The following DAXX variants were observed in gnomAD, a reference collection of about 807,000 sequenced individuals.
DAXX encodes death domain-associated protein 6.
A neutral mutation model predicts 61.9 loss-of-function variants in DAXX; 24 were observed. The observed-to-expected ratio is 0.39, with a 90% CI of 0.28 to 0.55. DAXX has a LOEUF of 0.55. Among genes scored for constraint, DAXX ranks in the 20% least tolerant of loss-of-function variants. The pLI is 0.69. For missense variants in DAXX, 819 were observed against 935.3 expected (o/e 0.88, Z 1.62); for synonymous variants, 357 against 369.5 (o/e 0.97, Z 0.39).
chr6:33,321,283 G>A lies in DAXX; in HGVS notation c.492C>T (p.Leu164=), dbSNP rs1770575666. ...EPSGNNPPTH[L]SLDPTNAENT... is the part of the protein sequence containing the mutation. The stretch of plus-strand genomic sequence containing the variant: ...TTTCAGCATTTGTGGGGTCCAAGGA[G>A]AGGTGTGTGGGAGGGTTATTCCCAG... The change falls in exon 3 of 8, where the codon CTC becomes CTT. Residue 164 remains leucine, a synonymous_variant. Coordinates refer to ENST00000374542, the MANE Select transcript of DAXX (RefSeq NM_001141969.2). This position sits in a 1 kb window ranked among gnomAD's most constrained non-coding sequence, Gnocchi z 7.2. 6.2e-7 allele frequency: 1 copy of A among 1,613,096 alleles called. No homozygotes were observed. Among genetic ancestry groups the A allele is most frequent in the African/African-American group, 1.3e-5 (1 of 74,928 alleles).
In DAXX at chr6:33,320,108, C is replaced by G. The variant is rs1770370260; in HGVS notation, c.1368G>C (p.Glu456Asp). ...EEEEEEEEEE[E>D]EATDSEEEED... ...CCTCCTCTTCAGAATCTGTGGCCTCCTCCTCTTCTTCTTCCTCCTCCTCCT... is the reference window on the plus strand; with the variant it reads ...CCTCCTCTTCAGAATCTGTGGCCTCGTCCTCTTCTTCTTCCTCCTCCTCCT... Residue 456 changes from glutamate to aspartate, a missense_variant, in exon 5 of 8, where the codon GAG (glutamate) becomes GAC (aspartate). Transcript: ENST00000374542. This position sits in a 1 kb window ranked among gnomAD's most constrained non-coding sequence, Gnocchi z 7.1. The G allele has an allele frequency of 6.2e-7, 1 of 1,614,074 alleles. No homozygotes were observed. Among genetic ancestry groups the G allele is most frequent in the Non-Finnish European group, 8.5e-7 (1 of 1,179,968 alleles).
Position 33,319,016 on chromosome 6 carries a change from G to A in DAXX, c.2144C>T (p.Pro715Leu), listed in dbSNP as rs1770174070. ...TCTTACCTTGCAAGTACCAGGCCGAGGAGGCTGTGAATGGGGGGTTTGGGA... is the reference window on the plus strand; with the variant it reads ...TCTTACCTTGCAAGTACCAGGCCGAAGAGGCTGTGAATGGGGGGTTTGGGA... Reference protein sequence around the residue: ...RLSQTPHSQPPRPGTCKTSVA... With the variant: ...RLSQTPHSQPLRPGTCKTSVA... The change falls in exon 7 of 8, where the codon CCT (proline) becomes CTT (leucine). Residue 715 changes from proline (P) to leucine (L), a missense_variant. Coordinates refer to ENST00000374542, the MANE Select transcript of DAXX (RefSeq NM_001141969.2). 6.2e-7 allele frequency: 1 copy of A among 1,613,420 alleles called. No individual in the cohort carries two copies. Among genetic ancestry groups the A allele is most frequent in the African/African-American group, 1.3e-5 (1 of 75,038 alleles).
At chr6:33,322,156 G>T (rs565739493) in intron 1 of DAXX, 179 bp from the exon 2 acceptor site, 26 of 459,468 alleles carry the variant, frequency 5.7e-5, no homozygotes, top group Middle Eastern at 5.5e-4. Flanking sequence ...AAGTGGTGTG[G>T]GGGGGGGGCA....
At position 33,318,578 on chromosome 6, in the gene DAXX, ATTGT is replaced by A. The variant is rs919079220; in HGVS notation, c.*161_*164del. The A allele has an allele frequency of 7.0e-5, 31 of 440,898 alleles. No individual in the cohort carries two copies. The highest frequency in any genetic ancestry group is 1.0e-4 in the Non-Finnish European group (25 of 248,984). The allele number at this position is 440,898 out of a possible 1,614,324, so 27.3% of individuals were successfully genotyped here. On this transcript the variant is annotated 3_prime_UTR_variant, in exon 8 of 8. Transcript: ENST00000374542. Reference sequence around the variant, plus strand: ...AGTGATACAGTAAGAAAAGAACTTTATTGTTTATTAATGTTTCTGTGTAAAACTT... The same window carrying A: ...AGTGATACAGTAAGAAAAGAACTTTATTATTAATGTTTCTGTGTAAAACTT...
At chr6:33,319,939 A>C in intron 5 of DAXX, 72 bp downstream of exon 5, 1 of 1,604,228 alleles carries the variant, frequency 6.2e-7, no homozygotes. Context: ...GAGGAAGGGA[A>C]AGGTTTCAAA....
chr6:33,320,763 A>T lies in DAXX; in HGVS notation c.1012T>A (p.Cys338Ser). The part of the protein sequence containing the change: ...RHLDLIYNFG[C>S]HLTDDYRPGV... ...GGCCTATAGTCATCTGTGAGGTGGC[A>T]GCCAAAGTTGTAGATGAGATCGAGG... is the stretch of plus-strand genomic sequence containing the variant. The change falls in exon 3 of 8, where the codon TGC becomes AGC. Residue 338 changes from cysteine (C) to serine (S), a missense_variant. Cys to Ser is a moderately radical substitution (Grantham distance 112). Transcript: ENST00000374542. The surrounding 1 kb of genome is among the most constrained non-coding windows in gnomAD (Gnocchi z 7.1). The T allele has an allele frequency of 6.2e-7, 1 of 1,614,162 alleles. No homozygotes were observed.
chr6:33,319,068 G>A lies in DAXX; in HGVS notation c.2092C>T (p.Leu698Phe), dbSNP rs371458373. Residue 698 changes from leucine to phenylalanine, a missense_variant, in exon 7 of 8, where the codon CTC (leucine) becomes TTC (phenylalanine). Coordinates refer to ENST00000374542, the MANE Select transcript of DAXX (RefSeq NM_001141969.2). ...SPSHGLVTSS[L>F]CIPSPARLSQ... ...AGCCGGGCTGGAGAAGGGATGCAGAGGGAGCTGGTCACCAGGCCATGGCTG... is the reference window on the plus strand; with the variant it reads ...AGCCGGGCTGGAGAAGGGATGCAGAAGGAGCTGGTCACCAGGCCATGGCTG... 15 of 1,614,022 alleles carry A rather than the reference G, an allele frequency of 9.3e-6. No individual in the cohort carries two copies. Among genetic ancestry groups the A allele is most frequent in the Non-Finnish European group, 1.3e-5 (15 of 1,180,058 alleles).
rs2150991498 is a variant in DAXX, at chr6:33,320,229, G to A, written c.1252-5C>T. The A allele has an allele frequency of 1.2e-6, 2 of 1,603,932 alleles. No homozygotes were observed. Among genetic ancestry groups the A allele is most frequent in the Non-Finnish European group, 1.7e-6 (2 of 1,170,996 alleles). ...GGATGCCATTCCACTAGGGCCCTGGGAGACAAAGAAGTTTCTCTAAGGAAT... is the reference window on the plus strand; with the variant it reads ...GGATGCCATTCCACTAGGGCCCTGGAAGACAAAGAAGTTTCTCTAAGGAAT... On this transcript the variant is annotated splice_region_variant and splice_polypyrimidine_tract_variant and intron_variant, in intron 4 of 7. Transcript: ENST00000374542. The surrounding 1 kb of genome is among the most constrained non-coding windows in gnomAD (Gnocchi z 7.1).
rs1239827121 is a variant in DAXX, at chr6:33,320,319, T to C, written c.1251+61A>G. 7.0e-7 allele frequency: 1 copy of C among 1,438,002 alleles called. No homozygotes were observed. The highest frequency in any genetic ancestry group is 1.4e-5 in the African/African-American group (1 of 71,510). 89.1% of individuals were successfully genotyped at this position (1,438,002 alleles called of 1,614,324 possible). A position where few individuals can be genotyped will look rare whatever the true frequency, so the allele number is the denominator to read the frequency against. Reference sequence around the variant, plus strand: ...TGCTCCCCCATCAGTCAACCTGGACTCCCTGGTGGCCAGTGCAGGGGAAGG... The same window carrying C: ...TGCTCCCCCATCAGTCAACCTGGACCCCCTGGTGGCCAGTGCAGGGGAAGG... On this transcript the variant is annotated intron_variant, in intron 4 of 7. Coordinates refer to ENST00000374542, the MANE Select transcript of DAXX (RefSeq NM_001141969.2). The surrounding 1 kb of genome is among the most constrained non-coding windows in gnomAD (Gnocchi z 7.1).
rs371700406 is a variant in DAXX at position 33,322,939 on chromosome 6, T to G, written c.-130A>C. Reference sequence around the variant, plus strand: ...TGGTTCCCTCCGCCTTCCTTCCCACTCCCACCGCAGGCCCCACTACGGACC... The same window carrying G: ...TGGTTCCCTCCGCCTTCCTTCCCACGCCCACCGCAGGCCCCACTACGGACC... On this transcript the variant is annotated 5_prime_UTR_variant, in exon 1 of 8. Transcript: ENST00000374542. 1.5e-6 allele frequency: 2 copies of G among 1,358,326 alleles called. No individual in the cohort carries two copies. Among genetic ancestry groups the G allele is most frequent in the African/African-American group, 1.5e-5 (1 of 68,366 alleles). 84.1% of individuals were successfully genotyped at this position (1,358,326 alleles called of 1,614,324 possible).
chr6:33,318,700 T>C lies in DAXX; in HGVS notation c.*43A>G. ...CATCTGCTTCCCACCTTCCTCCAAA[T>C]GTTATCCCAGAACATTCTGGAGGCA... On this transcript the variant is annotated 3_prime_UTR_variant, in exon 8 of 8. Coordinates refer to ENST00000374542, the MANE Select transcript of DAXX (RefSeq NM_001141969.2). 5 of 947,720 alleles carry C rather than the reference T, an allele frequency of 5.3e-6. No individual in the cohort carries two copies. Among genetic ancestry groups the C allele is most frequent in the Non-Finnish European group, 8.0e-6 (5 of 623,624 alleles). The allele number at this position is 947,720 out of a possible 1,614,324, so 58.7% of individuals were successfully genotyped here. A position where few individuals can be genotyped will look rare whatever the true frequency, so the allele number is the denominator to read the frequency against.
chr6:33,318,940 G>T (rs1242239537), intron 7 of DAXX, 57 bp downstream of exon 7: 2 of 1,492,312 alleles, frequency 1.3e-6, no homozygotes, highest in African/African-American at 2.8e-5. Context: ...CAGAGCAGCT[G>T]AAACAGCCAA....
In DAXX at chr6:33,320,162, T is replaced by G; in HGVS notation, c.1314A>C (p.Glu438Asp). The G allele has an allele frequency of 6.2e-7, 1 of 1,614,058 alleles. No homozygotes were observed. Among genetic ancestry groups the G allele is most frequent in the South Asian group, 1.1e-5 (1 of 91,084 alleles). The change falls in exon 5 of 8, where the codon GAA (glutamate) becomes GAC (aspartate). Residue 438 changes from glutamate (E) to aspartate (D), a missense_variant. Transcript: ENST00000374542. This position sits in a 1 kb window ranked among gnomAD's most constrained non-coding sequence, Gnocchi z 7.1. ...CTTCCTCATCACTCTCCTCATCGTC[T>G]TCGTCATCTGTCTCAGCTCTGGAGG... is the stretch of plus-strand genomic sequence containing the variant. ...PSASRAETDD[E>D]DDEESDEEEE...
At position 33,319,568 on chromosome 6, in the gene DAXX, C is replaced by T. The variant is rs769454978; in HGVS notation, c.1752G>A (p.Thr584=). Reference sequence around the variant, plus strand: ...ATTGCTTCCTGGAAGAGGAAATGTCCGTCTCCACAGAGGAAGGGGTATCCA... The same window carrying T: ...ATTGCTTCCTGGAAGAGGAAATGTCTGTCTCCACAGAGGAAGGGGTATCCA... ...LPLDTPSSVE[T]DISSSRKQSE... is the part of the protein sequence containing the mutation. Residue 584 remains threonine, a synonymous_variant, in exon 6 of 8, where the codon ACG becomes ACA. Transcript: ENST00000374542. 8 of 1,614,014 alleles carry T rather than the reference C, an allele frequency of 5.0e-6. No homozygotes were observed. The highest frequency in any genetic ancestry group is 1.1e-5 in the South Asian group (1 of 91,092).
Position 33,322,884 on chromosome 6 carries a change from G to A in DAXX, c.-75C>T, listed in dbSNP as rs774298218. The A allele has an allele frequency of 3.5e-6, 5 of 1,433,726 alleles. No homozygotes were observed. In the Admixed American group the frequency reaches 7.3e-5, roughly 21 times the overall value. The allele number at this position is 1,433,726 out of a possible 1,614,324, so 88.8% of individuals were successfully genotyped here. ...CACCTCAGAAACCGTCTCTCGAGGC[G>A]ACCCTCGCCGCAATTCTCAGAACCT... On this transcript the variant is annotated 5_prime_UTR_variant, in exon 1 of 8. Transcript: ENST00000374542.
chr6:33,318,969 C>T (rs761773227), intron 7 of DAXX, 28 bp downstream of exon 7: 1 of 1,581,746 alleles, frequency 6.3e-7, no homozygotes, highest in Non-Finnish European at 8.7e-7. Context: ...AACAAATTGT[C>T]AGAGGAAACA....
chr6:33,319,518 A>T lies in DAXX; in HGVS notation c.1802T>A (p.Leu601Ter), dbSNP rs914116287. 6.2e-7 allele frequency: 1 copy of T among 1,613,946 alleles called. No individual in the cohort carries two copies. The highest frequency in any genetic ancestry group is 1.3e-5 in the African/African-American group (1 of 74,884). Residue 601 changes from leucine (L) to a stop codon, truncating the protein, a stop_gained, in exon 6 of 8, where the codon TTA becomes TAA. Coordinates refer to ENST00000374542, the MANE Select transcript of DAXX (RefSeq NM_001141969.2). LOFTEE classifies it high-confidence loss of function. ...KQSEEPFTTV[L>*]ENGAGMVSST... ...AGAGACCATGCCTGCTCCATTCTCT[A>T]AGACAGTGGTGAAGGGCTCCTCTGA...
chr6:33,322,790 C>T (rs368435882), intron 1 of DAXX, 72 bp downstream of exon 1: 1 of 731,036 alleles, frequency 1.4e-6, no homozygotes. Flanking sequence ...GACTCAGCGC[C>T]CAGCTCTCCC....
At chr6:33,319,249 G>C (rs1770213318) in intron 6 of DAXX, 30 bp from the exon 7 acceptor site, 1 of 1,574,234 alleles carries the variant, frequency 6.4e-7, no homozygotes, top group African/African-American at 1.3e-5. Flanking sequence ...TATGTGGAGG[G>C]GTACGGGAAG....
Sources: gnomAD v4.1 joint callset for allele counts on GRCh38, gnomAD v4.1.1 for gene constraint, Gnocchi (gnomAD v3.1) non-coding constraint, MANE v1.5 for transcripts, NCBI Gene and HGNC (gene_info 2026-07-23, HGNC 2026-07-21) for gene names.